MACROD2: variants seen among roughly 807,000 people sequenced by gnomAD.
MACROD2 encodes mono-ADP ribosylhydrolase 2, also known as ADP-ribose glycohydrolase MACROD2.
Under a neutral mutation model 70.4 loss-of-function variants are expected in MACROD2, and 36 were observed. The ratio of observed to expected loss-of-function variants is 0.51; its 90% CI spans 0.39 to 0.68. The LOEUF (loss-of-function observed/expected upper bound fraction) is 0.68, where lower values mean the gene tolerates loss of function less well. MACROD2 is among the 30% of genes least tolerant of loss of function. The pLI, the probability that MACROD2 is intolerant of heterozygous loss-of-function variation, is 0.00. For synonymous variants in MACROD2, 172 were observed against 178.8 expected, an observed-to-expected ratio of 0.96 and a Z score of 0.30; for missense variants, 496 against 538.4, an observed-to-expected ratio of 0.92 and a Z score of 0.78.
intron 6 of MACROD2, among the ~76,000 whole-genome samples, chr20:15,312,883 CAG>C (rs1327335254): frequency 6.6e-6 from 1 of 152,064 alleles, no homozygotes; most frequent in African/African-American, 2.4e-5. Context: ...CTTGAATATA[CAG>C]ACACACATAC....
chr20:14,630,987 C>G (rs1984476680), intron 4 of MACROD2, among the ~76,000 whole-genome samples: 1 of 152,022 alleles, frequency 6.6e-6, no homozygotes, highest in African/African-American at 2.4e-5. Flanking sequence ...CTGTGATTTT[C>G]CACCTTACTA....
At chr20:14,259,909 A>T (rs1466642079) in intron 3 of MACROD2, among the ~76,000 whole-genome samples, 1 of 152,198 alleles carries the variant, frequency 6.6e-6, no homozygotes, top group Non-Finnish European at 1.5e-5. Flanking sequence ...CAGCATTCCA[A>T]TGAGTTGTGT....
intron 4 of MACROD2, among the ~76,000 whole-genome samples, chr20:14,587,773 A>G (rs1253613424): frequency 6.6e-6 from 1 of 152,052 alleles, no homozygotes; most frequent in African/African-American, 2.4e-5. Context: ...ATGATACATT[A>G]ATCTTTTGAT....
intron 4 of MACROD2, among the ~76,000 whole-genome samples, chr20:14,586,425 A>G (rs1981381999): frequency 6.6e-6 from 1 of 152,112 alleles, no homozygotes; most frequent in Admixed American, 6.6e-5. Flanking sequence ...TGCAGAAGAA[A>G]AGTTATGCTT....
At chr20:15,950,423 T>C (rs1234621846) in intron 12 of MACROD2, among the ~76,000 whole-genome samples, 1 of 151,394 alleles carries the variant, frequency 6.6e-6, no homozygotes. Context: ...TGCCCAGGAG[T>C]CTCCACAAGG....
intron 4 of MACROD2, among the ~76,000 whole-genome samples, chr20:14,657,993 G>A (rs996868391): frequency 2.0e-5 from 3 of 148,162 alleles, no homozygotes; most frequent in Admixed American, 6.7e-5. Flanking sequence ...AAAAAAAGAC[G>A]AAAGATTGTT....
intron 3 of MACROD2, among the ~76,000 whole-genome samples, chr20:14,384,955 G>T (rs2083455653): frequency 6.6e-6 from 1 of 152,044 alleles, no homozygotes; most frequent in African/African-American, 2.4e-5. Flanking sequence ...CAGGTAAGAG[G>T]AAAGAAGAAA....
At chr20:14,772,875 T>C in intron 5 of MACROD2, among the ~76,000 whole-genome samples, 1 of 152,012 alleles carries the variant, frequency 6.6e-6, no homozygotes, top group East Asian at 1.9e-4. Flanking sequence ...GACTAAAAAG[T>C]GGCTTAAACA....
chr20:16,033,287 G>GGAGAAGGAAT (rs1364167587), intron 15 of MACROD2, among the ~76,000 whole-genome samples: 1 of 152,032 alleles, frequency 6.6e-6, no homozygotes, highest in Non-Finnish European at 1.5e-5. Context: ...TTATGGACAA[G>GGAGAAGGAAT]GAGAAGGAAT....
intron 4 of MACROD2, among the ~76,000 whole-genome samples, chr20:14,619,487 G>A (rs1983698163): frequency 8.3e-6 from 1 of 119,774 alleles, no homozygotes; most frequent in Non-Finnish European, 1.7e-5. Flanking sequence ...AAGGAAGGAA[G>A]GAGGGAGGGG....
chr20:14,562,605 C>A (rs1215182621), intron 4 of MACROD2, among the ~76,000 whole-genome samples: 3 of 151,868 alleles, frequency 2.0e-5, no homozygotes, highest in Non-Finnish European at 4.4e-5. Context: ...GGTCATCTTT[C>A]TACTGTTTGA....
chr20:15,529,023 G>T (rs1257358143), intron 8 of MACROD2, among the ~76,000 whole-genome samples: 1 of 152,154 alleles, frequency 6.6e-6, no homozygotes, highest in African/African-American at 2.4e-5. Context: ...TAAAGAAGAT[G>T]GAAGTTTATT....
At chr20:14,108,917 C>T (rs1052143384) in intron 3 of MACROD2, among the ~76,000 whole-genome samples, 1 of 151,994 alleles carries the variant, frequency 6.6e-6, no homozygotes, top group Non-Finnish European at 1.5e-5. Context: ...CCAAATGGAC[C>T]TATTAGATAT....
Position 14,157,022 on chromosome 20 carries a change from T to C in MACROD2, c.271+71294T>C, listed in dbSNP as rs149400615. ...TCTTCTAGCTTTAAGAGAATATTAA[T>C]TTATGCTGCTTTATGTTCCAATTCT... On this transcript the variant is annotated intron_variant, in intron 3 of 17. Transcript: ENST00000684519. Among the ~76,000 whole-genome samples, 509 of 152,310 alleles carry C rather than the reference T, an allele frequency of 3.3e-3. 6 individuals are homozygous for C. The highest frequency in any genetic ancestry group is 0.012 in the African/African-American group (490 of 41,576).
chr20:15,813,584 C>G (rs888489384), intron 8 of MACROD2, among the ~76,000 whole-genome samples: 1 of 152,112 alleles, frequency 6.6e-6, no homozygotes, highest in African/African-American at 2.4e-5. Context: ...TCAAGACCAG[C>G]ATGGGAAACA....
chr20:14,113,468 A>G (rs1315586133), intron 3 of MACROD2, among the ~76,000 whole-genome samples: 1 of 152,098 alleles, frequency 6.6e-6, no homozygotes, highest in Non-Finnish European at 1.5e-5. Flanking sequence ...ATATAAGTAT[A>G]GGAATGTATA....
intron 10 of MACROD2, among the ~76,000 whole-genome samples, chr20:15,915,674 G>T (rs1305005439): frequency 6.6e-6 from 1 of 152,192 alleles, no homozygotes; most frequent in African/African-American, 2.4e-5. Context: ...AGGCACAGGG[G>T]TGTGGGGGTG....
At chr20:15,087,703 TTTAAAAA>T (rs2075759289) in intron 5 of MACROD2, among the ~76,000 whole-genome samples, 2 of 152,000 alleles carry the variant, frequency 1.3e-5, no homozygotes, top group Admixed American at 1.3e-4. Context: ...TATTTGACTG[TTTAAAAA>T]TTAAAATTTT....
At chr20:14,529,559 T>G (rs995826115) in intron 4 of MACROD2, among the ~76,000 whole-genome samples, 2 of 152,220 alleles carry the variant, frequency 1.3e-5, no homozygotes, top group African/African-American at 4.8e-5. Context: ...AAACTTTCTG[T>G]TCTGTCCCAT....
Sources: gnomAD v4.1 joint callset for allele counts (sites outside exome capture counted in the v4.1 genomes callset) on GRCh38, gnomAD v4.1.1 for gene constraint, MANE v1.5 for transcripts, NCBI Gene and HGNC (gene_info 2026-07-23, HGNC 2026-07-21) for gene names.